Variants in GRHL2 observed in about 807,000 individuals in gnomAD.
The protein encoded by GRHL2 is grainyhead-like protein 2 homolog.
In GRHL2, 21 loss-of-function variants were observed where a neutral mutation model predicts 83.8. The observed-to-expected ratio is 0.25, with a 90% CI of 0.18 to 0.36. GRHL2 has a LOEUF of 0.36. GRHL2 is among the 10% of genes least tolerant of loss of function. The pLI is 1.00. For synonymous variants in GRHL2, 280 were observed against 278.9 expected, an observed-to-expected ratio of 1.00 and a Z score of -0.04; for missense variants, 623 against 781.8, an observed-to-expected ratio of 0.80 and a Z score of 2.42.
intron 1 of GRHL2, among the ~76,000 whole-genome samples, chr8:101,496,796 C>T (rs1347217005): frequency 6.6e-6 from 1 of 151,990 alleles, no homozygotes; most frequent in East Asian, 1.9e-4. Context: ...CCTAAGATAC[C>T]TGGGGTAAGA....
At chr8:101,559,509 G>GA (rs1297803873) in intron 4 of GRHL2, among the ~76,000 whole-genome samples, 2 of 152,044 alleles carry the variant, frequency 1.3e-5, no homozygotes, top group African/African-American at 2.4e-5. Context: ...CAGCCTGGGT[G>GA]ACAAGAACGA....
rs534700955 is a variant in GRHL2, at chr8:101,667,655, G to GCCTGA, written c.*953_*954insCTGAC. The GCCTGA allele has an allele frequency of 8.7e-4, 132 of 152,516 alleles. No individual in the cohort carries two copies. The highest frequency in any genetic ancestry group is 1.2e-3 in the Non-Finnish European group (80 of 68,064). The allele number at this position is 152,516 out of a possible 1,614,324, so 9.4% of individuals were successfully genotyped here. On this transcript the variant is annotated 3_prime_UTR_variant, in exon 16 of 16. Coordinates refer to ENST00000646743, the MANE Select transcript of GRHL2 (RefSeq NM_024915.4). The stretch of plus-strand genomic sequence containing the variant: ...CGTTTATCTCACAATGATGTGTTTT[G>GCCTGA]CTTGACTTTCCCTTTGCGCTGTCTC...
At chr8:101,646,951 A>G (rs1341156476) in intron 13 of GRHL2, among the ~76,000 whole-genome samples, 1 of 152,082 alleles carries the variant, frequency 6.6e-6, no homozygotes, top group Non-Finnish European at 1.5e-5. Context: ...GCCTGGTGCC[A>G]CTCCAAGGCC....
chr8:101,657,808 C>G (rs893991518), intron 14 of GRHL2, among the ~76,000 whole-genome samples: 2 of 149,170 alleles, frequency 1.3e-5, no homozygotes, highest in Non-Finnish European at 3.0e-5. Flanking sequence ...CCACTGCACT[C>G]TAGCCTGGGC....
chr8:101,619,297 C>T (rs538087273), intron 8 of GRHL2, among the ~76,000 whole-genome samples: 1 of 152,050 alleles, frequency 6.6e-6, no homozygotes, highest in South Asian at 2.1e-4. Context: ...GATATACTTC[C>T]AGGAAAGCAG....
chr8:101,608,756 CACACACACACA>C (rs1812685525), intron 8 of GRHL2, among the ~76,000 whole-genome samples: 1 of 142,580 alleles, frequency 7.0e-6, no homozygotes, highest in African/African-American at 3.0e-5. Flanking sequence ...CACACACACA[CACACACACACA>C]CACACACACA....
At chr8:101,506,794 C>A (rs1422994916) in intron 1 of GRHL2, among the ~76,000 whole-genome samples, 1 of 149,812 alleles carries the variant, frequency 6.7e-6, no homozygotes, top group South Asian at 2.1e-4. Context: ...TTCTCATTGT[C>A]TCACCAGTAA....
chr8:101,610,177 C>G (rs967805384), intron 8 of GRHL2, among the ~76,000 whole-genome samples: 2 of 150,938 alleles, frequency 1.3e-5, no homozygotes, highest in Admixed American at 6.6e-5. Flanking sequence ...CTCTCCCCAG[C>G]AATACCTGGG....
the GRHL2 span, among the ~76,000 whole-genome samples, chr8:101,678,339 C>T: frequency 3.3e-5 from 5 of 151,764 alleles, no homozygotes; most frequent in South Asian, 2.1e-4. Flanking sequence ...CCTGGAAAAT[C>T]GGGTCACTCC....
At chr8:101,573,403 G>T (rs1811866337) in intron 5 of GRHL2, among the ~76,000 whole-genome samples, 2 of 152,238 alleles carry the variant, frequency 1.3e-5, no homozygotes, top group South Asian at 4.1e-4. Flanking sequence ...TGGTAGAGCT[G>T]TTTTTTGCAC....
the GRHL2 span, among the ~76,000 whole-genome samples, chr8:101,678,560 C>G: frequency 6.6e-5 from 10 of 151,900 alleles, no homozygotes; most frequent in Middle Eastern, 3.4e-3. Context: ...CCGGGAAGCT[C>G]GAACTGGGTG....
In GRHL2 at chr8:101,649,400, C is replaced by A; in HGVS notation, c.1613-14C>A. On this transcript the variant is annotated splice_polypyrimidine_tract_variant and intron_variant, in intron 13 of 15. Coordinates refer to ENST00000646743, the MANE Select transcript of GRHL2 (RefSeq NM_024915.4). ...GCCCCTCGGTCACGTGGCTCTCTTG[C>A]CCATCTCTTCCAGTGCTCTTGTACG... 1 of 1,609,614 alleles carries A rather than the reference C, an allele frequency of 6.2e-7. No individual in the cohort carries two copies. Among genetic ancestry groups the A allele is most frequent in the Non-Finnish European group, 8.5e-7 (1 of 1,176,076 alleles).
chr8:101,560,176 T>TTG lies in GRHL2; in HGVS notation c.678+1392_678+1393dup, dbSNP rs35280910. 9.0e-3 allele frequency among the ~76,000 whole-genome samples: 1,342 copies of TTG among 149,046 alleles called. 12 individuals are homozygous for TTG. The highest frequency in any genetic ancestry group is 0.038 in the Middle Eastern group (11 of 292). On this transcript the variant is annotated intron_variant, in intron 4 of 15. Transcript: ENST00000646743. ...GTGCACCACCATGCCTGGCTAAATTTTGTGTGTGTGTGTGTGTGTGTGTGT... is the reference window on the plus strand; with the variant it reads ...GTGCACCACCATGCCTGGCTAAATTTTGTGTGTGTGTGTGTGTGTGTGTGTGT...
chr8:101,557,201 C>G (rs1286195345), intron 3 of GRHL2, among the ~76,000 whole-genome samples: 1 of 150,326 alleles, frequency 6.7e-6, no homozygotes, highest in Non-Finnish European at 1.5e-5. Flanking sequence ...AAATCATTAT[C>G]ACCCCTAACT....
At chr8:101,657,783 T>A (rs1181678140) in intron 14 of GRHL2, among the ~76,000 whole-genome samples, 6 of 146,404 alleles carry the variant, frequency 4.1e-5, no homozygotes, top group African/African-American at 1.5e-4. Context: ...GAGCTTGCAG[T>A]GAGCGGAGAT....
chr8:101,627,964 G>C lies in GRHL2; in HGVS notation c.1258-3673G>C, dbSNP rs558555835. On this transcript the variant is annotated intron_variant, in intron 9 of 15. Transcript: ENST00000646743. ...AGAAAAGTTTGAAGCTAGCAGAGAT[G>C]ACTTCGTAACATTCAAGCAAAGAAA... Among the ~76,000 whole-genome samples the C allele has an allele frequency of 2.0e-5, 3 of 152,242 alleles. No individual in the cohort carries two copies. The South Asian group carries it at 6.2e-4, about 32-fold the overall frequency.
chr8:101,522,917 C>CT lies in GRHL2; in HGVS notation c.21-20313dup, dbSNP rs900987834. On this transcript the variant is annotated intron_variant, in intron 1 of 15. Coordinates refer to ENST00000646743, the MANE Select transcript of GRHL2 (RefSeq NM_024915.4). ...AGTAGAAATCTATTATTCTTTGTTT[C>CT]TTTTTTTTTTTAGATGGAATCTCGC... 4.3e-4 allele frequency among the ~76,000 whole-genome samples: 61 copies of CT among 141,956 alleles called. 1 individual carries two copies. Among genetic ancestry groups the CT allele is most frequent in the South Asian group, 3.4e-3 (15 of 4,414 alleles). 93.1% of individuals were successfully genotyped at this position (141,956 alleles called of 152,430 possible). A position where few individuals can be genotyped will look rare whatever the true frequency, so the allele number is the denominator to read the frequency against.
intron 2 of GRHL2, among the ~76,000 whole-genome samples, chr8:101,546,570 G>A (rs1028306803): frequency 1.3e-5 from 2 of 151,930 alleles, no homozygotes; most frequent in African/African-American, 2.4e-5. Context: ...CACCGCAACC[G>A]GCTAATTTTT....
intron 8 of GRHL2, among the ~76,000 whole-genome samples, chr8:101,607,094 T>C (rs1812647180): frequency 6.6e-6 from 1 of 152,230 alleles, no homozygotes; most frequent in African/African-American, 2.4e-5. Context: ...TGTTCTTTTT[T>C]CTCCTTTCCC....
Sources: gnomAD v4.1 joint callset for allele counts (sites outside exome capture counted in the v4.1 genomes callset) on GRCh38, gnomAD v4.1.1 for gene constraint, MANE v1.5 for transcripts, NCBI Gene and HGNC (gene_info 2026-07-23, HGNC 2026-07-21) for gene names.